Variants in CTBP2 observed in about 807,000 individuals in gnomAD.
CTBP2 encodes the protein C-terminal binding protein 2, also known as C-terminal-binding protein 2.
Under a neutral mutation model 80.3 loss-of-function variants are expected in CTBP2, and 30 were observed. That is an observed-to-expected ratio of 0.37 (90% confidence interval 0.28 to 0.51). CTBP2 has a LOEUF of 0.51. Among genes scored for constraint, CTBP2 ranks in the 20% least tolerant of loss-of-function variants. The pLI is 0.93. For synonymous variants in CTBP2, 594 were observed against 587.4 expected (o/e 1.01, Z -0.16); for missense variants, 1,212 against 1,375.3 (o/e 0.88, Z 1.88).
In CTBP2 at chr10:125,123,823, C is replaced by G. The variant is rs114786623; in HGVS notation, c.-205-12730G>C. ...GAGCGGGCATGACTGACTCATTGTT[C>G]TCTCCCAGGTGCTGCCAGCTGCCCA... is the stretch of plus-strand genomic sequence containing the variant. On this transcript the variant is annotated intron_variant, in intron 1 of 10. Transcript: ENST00000337195. 5.3e-3 allele frequency among the ~76,000 whole-genome samples: 808 copies of G among 152,332 alleles called. 7 individuals are homozygous for G. The highest frequency in any genetic ancestry group is 0.019 in the African/African-American group (783 of 41,582).
chr10:125,138,096 C>T (rs529902986), intron 1 of CTBP2: 4 of 152,324 alleles, frequency 2.6e-5, no homozygotes, highest in South Asian at 2.1e-4. Flanking sequence ...GCAAATCATC[C>T]GCAAAGCCCT....
intron 2 of CTBP2, among the ~76,000 whole-genome samples, chr10:125,088,577 CG>C (rs1341665298): frequency 4.6e-5 from 7 of 152,114 alleles, no homozygotes; most frequent in Admixed American, 4.6e-4. Context: ...GAAATCACCC[CG>C]GATAACCTCA....
intron 1 of CTBP2, among the ~76,000 whole-genome samples, chr10:125,147,839 G>T (rs1376043311): frequency 6.6e-6 from 1 of 152,048 alleles, no homozygotes; most frequent in Non-Finnish European, 1.5e-5. Flanking sequence ...CGAGGCCGCA[G>T]TCAGCCGTGA....
intron 1 of CTBP2, among the ~76,000 whole-genome samples, chr10:125,128,684 G>A (rs975854275): frequency 6.6e-6 from 1 of 152,132 alleles, no homozygotes; most frequent in African/African-American, 2.4e-5. Context: ...TCTGTAGGGT[G>A]GTTTAAAAAA....
chr10:125,087,860 C>A (rs1056026052), intron 2 of CTBP2, among the ~76,000 whole-genome samples: 1 of 152,220 alleles, frequency 6.6e-6, no homozygotes, highest in Non-Finnish European at 1.5e-5. Flanking sequence ...AAGAACTGTG[C>A]TTCCTTGTCT....
chr10:125,123,418 A>T (rs1213909929), intron 1 of CTBP2, among the ~76,000 whole-genome samples: 5 of 152,182 alleles, frequency 3.3e-5, no homozygotes, highest in Non-Finnish European at 2.9e-5. Flanking sequence ...GGCACCAGGG[A>T]AAGGGTTTAA....
chr10:125,046,269 G>GC (rs1320611572), intron 2 of CTBP2, among the ~76,000 whole-genome samples: 2 of 152,120 alleles, frequency 1.3e-5, no homozygotes, highest in African/African-American at 4.8e-5. Flanking sequence ...AGGCGTAGTG[G>GC]CTCATACCTG....
At chr10:125,070,398 A>G (rs1285714926) in intron 2 of CTBP2, among the ~76,000 whole-genome samples, 1 of 151,894 alleles carries the variant, frequency 6.6e-6, no homozygotes, top group African/African-American at 2.4e-5. Flanking sequence ...TAAGATGTTA[A>G]TTATAGGGAA....
chr10:125,098,722 G>A (rs1013365096), intron 2 of CTBP2, among the ~76,000 whole-genome samples: 2 of 105,474 alleles, frequency 1.9e-5, no homozygotes, highest in Admixed American at 1.0e-4. Context: ...GAGAGAGAGA[G>A]ACAGAGAGAG....
chr10:125,141,539 C>T (rs1857813025), intron 1 of CTBP2, among the ~76,000 whole-genome samples: 1 of 152,132 alleles, frequency 6.6e-6, no homozygotes, highest in Non-Finnish European at 1.5e-5. Flanking sequence ...AAATGGGGAC[C>T]TGAGGGCGCT....
chr10:125,093,290 A>G (rs1152673), intron 2 of CTBP2, among the ~76,000 whole-genome samples: 4,831 of 152,294 alleles, frequency 0.032, 244 homozygotes, highest in African/African-American at 0.11. Context: ...CCCACAAGGA[A>G]AACAGAAGGC....
intron 1 of CTBP2, chr10:125,006,088 G>C (rs754342706): frequency 5.3e-6 from 6 of 1,122,208 alleles, no homozygotes; most frequent in Non-Finnish European, 6.9e-6. Flanking sequence ...CCTAGCGATC[G>C]GCTCCCTCCC....
rs373653230 is a variant in CTBP2, at chr10:125,026,132, C to T, written c.1628G>A (p.Arg543Gln). ...CACGATGATGGGTGCCCCTGTGCGC[C>T]GGGCCACCTTCTGGTACGGTGAGTG... is the stretch of plus-strand genomic sequence containing the variant. The change falls in exon 1 of 9, where the codon CGG becomes CAG. Residue 543 changes from arginine (R) to glutamine (Q), a missense_variant. Coordinates refer to ENST00000309035, the MANE Select transcript of CTBP2 (RefSeq NM_022802.3). 2.8e-5 allele frequency: 44 copies of T among 1,596,488 alleles called. No homozygotes were observed. Among genetic ancestry groups the T allele is most frequent in the Middle Eastern group, 1.7e-4 (1 of 6,012 alleles).
chr10:125,010,244 C>T (rs946656895), intron 1 of CTBP2, among the ~76,000 whole-genome samples: 2 of 121,082 alleles, frequency 1.7e-5, no homozygotes, highest in African/African-American at 6.9e-5. Context: ...AAAAAAAAAG[C>T]AACTGCTATT....
intron 2 of CTBP2, among the ~76,000 whole-genome samples, chr10:125,053,363 G>A (rs189635518): frequency 7.2e-5 from 11 of 152,302 alleles, no homozygotes; most frequent in African/African-American, 1.2e-4. Flanking sequence ...ACTGCCCGCC[G>A]AACAGAGAGC....
At chr10:125,078,153 G>A (rs1393553186) in intron 2 of CTBP2, among the ~76,000 whole-genome samples, 13 of 152,198 alleles carry the variant, frequency 8.5e-5, no homozygotes, top group African/African-American at 3.1e-4. Context: ...GGTGGCAGGC[G>A]CCTGTAGTCC....
intron 3 of CTBP2, among the ~76,000 whole-genome samples, chr10:125,033,507 G>C (rs1564760887): frequency 6.6e-6 from 1 of 152,228 alleles, no homozygotes; most frequent in East Asian, 1.9e-4. Flanking sequence ...GAAGCCGGCA[G>C]CAAAATGTAT....
rs548441958 is a variant in CTBP2, at chr10:125,126,062, A to C, written c.-205-14969T>G. On this transcript the variant is annotated intron_variant, in intron 1 of 10. Coordinates refer to the CTBP2 transcript ENST00000337195. The stretch of plus-strand genomic sequence containing the variant: ...GCAGGAGTGGACTGAGGTTGCGGGA[A>C]GGCAAGGAGGAGCCCAGGGCTCTGG... Among the ~76,000 whole-genome samples the C allele has an allele frequency of 3.9e-5, 6 of 152,352 alleles. 1 individual carries two copies. The East Asian group carries it at 1.2e-3, about 29-fold the overall frequency.
chr10:125,086,224 T>G (rs1847943946), intron 2 of CTBP2, among the ~76,000 whole-genome samples: 1 of 152,144 alleles, frequency 6.6e-6, no homozygotes. Context: ...TGAACGGGAT[T>G]AGTGCCTGAT....
Sources: gnomAD v4.1 joint callset for allele counts (sites outside exome capture counted in the v4.1 genomes callset) on GRCh38, gnomAD v4.1.1 for gene constraint, MANE v1.5 for transcripts, NCBI Gene and HGNC (gene_info 2026-07-23, HGNC 2026-07-21) for gene names.